Variants in RPS6KA5 observed in about 807,000 individuals in gnomAD.
The protein encoded by RPS6KA5 is ribosomal protein S6 kinase A5.
In RPS6KA5, 27 loss-of-function variants were observed where a neutral mutation model predicts 85.5. The observed-to-expected ratio is 0.32, with a 90% CI of 0.23 to 0.44. The LOEUF is 0.44. Ranked by LOEUF, RPS6KA5 falls within the 20% of genes least tolerant of loss-of-function variation. RPS6KA5 has a pLI of 1.00. For synonymous variants in RPS6KA5, 334 were observed against 348.2 expected (o/e 0.96, Z 0.46); for missense variants, 811 against 980.9 (o/e 0.83, Z 2.31).
chr14:90,894,472 C>G lies in RPS6KA5; in HGVS notation c.1585G>C (p.Val529Leu). Residue 529 changes from valine (V) to leucine (L), a missense_variant, in exon 13 of 17, where the codon GTT becomes CTT. Coordinates refer to ENST00000614987, the MANE Select transcript of RPS6KA5 (RefSeq NM_004755.4). The stretch of plus-strand genomic sequence containing the variant: ...TCATGCATGTGGCTTACAGCTGAAA[C>G]AAGCTTCCTCATGATGTAGCTGGCT... ...TEASYIMRKL[V>L]SAVSHMHDVG... is the part of the protein sequence containing the mutation. The G allele has an allele frequency of 6.2e-7, 1 of 1,614,162 alleles. No individual in the cohort carries two copies. Among genetic ancestry groups the G allele is most frequent in the South Asian group, 1.1e-5 (1 of 91,086 alleles).
intron 3 of RPS6KA5, among the ~76,000 whole-genome samples, chr14:90,970,825 T>C (rs1343537653): frequency 1.3e-5 from 2 of 150,726 alleles, no homozygotes; most frequent in African/African-American, 4.9e-5. Flanking sequence ...TTGGGAAAAG[T>C]AAAAGAAATA....
intron 3 of RPS6KA5, among the ~76,000 whole-genome samples, chr14:90,978,091 T>C (rs530607640): frequency 5.9e-4 from 89 of 152,132 alleles, no homozygotes; most frequent in South Asian, 4.4e-3. Flanking sequence ...GAAAAGAGTG[T>C]GGAATAGAAG....
intron 2 of RPS6KA5, among the ~76,000 whole-genome samples, chr14:90,981,626 C>T (rs1012450368): frequency 1.1e-4 from 16 of 152,232 alleles, no homozygotes; most frequent in Non-Finnish European, 2.2e-4. Context: ...TTAAAGACCA[C>T]GTACTCTGCC....
At chr14:91,060,218 C>T in intron 1 of RPS6KA5, 114 bp downstream of exon 1, 1 of 960,718 alleles carries the variant, frequency 1.0e-6, no homozygotes, top group Non-Finnish European at 1.2e-6. Flanking sequence ...GCCCCAGGCC[C>T]GCCCCTCCGC....
chr14:90,958,172 A>C (rs2038622854), intron 3 of RPS6KA5, among the ~76,000 whole-genome samples: 1 of 152,016 alleles, frequency 6.6e-6, no homozygotes, highest in Non-Finnish European at 1.5e-5. Context: ...ATAATGAATA[A>C]AGAATTAGAT....
At chr14:90,907,875 A>C (rs972003595) in intron 7 of RPS6KA5, among the ~76,000 whole-genome samples, 15 of 152,210 alleles carry the variant, frequency 9.9e-5, no homozygotes, top group Non-Finnish European at 2.2e-4. Context: ...AAAAATAAGC[A>C]TAGCTTTTCC....
At position 90,899,364 on chromosome 14, in the gene RPS6KA5, T is replaced by C. The variant is rs936571241; in HGVS notation, c.1438A>G (p.Asn480Asp). The change falls in exon 12 of 17, where the codon AAT becomes GAT. Residue 480 changes from asparagine (N) to aspartate (D), a missense_variant. Physicochemically the swap from Asn to Asp is conservative, Grantham distance 23. Coordinates refer to ENST00000614987, the MANE Select transcript of RPS6KA5 (RefSeq NM_004755.4). ...TALKLCEGHPNIVKLHEVFHD... is the reference protein window; with the variant it reads ...TALKLCEGHPDIVKLHEVFHD... ...AAAACTTCATGCAACTTCACAATATTGGGGTGTCCTTCACAGAGTTTCAGA... is the reference window on the plus strand; with the variant it reads ...AAAACTTCATGCAACTTCACAATATCGGGGTGTCCTTCACAGAGTTTCAGA... 6.2e-7 allele frequency: 1 copy of C among 1,613,186 alleles called. No individual in the cohort carries two copies. Among genetic ancestry groups the C allele is most frequent in the African/African-American group, 1.3e-5 (1 of 74,928 alleles).
Position 90,906,167 on chromosome 14 carries a change from T to C in RPS6KA5, c.939A>G (p.Lys313=). The C allele has an allele frequency of 1.2e-6, 2 of 1,604,046 alleles. No individual in the cohort carries two copies. The highest frequency in any genetic ancestry group is 1.7e-5 in the Admixed American group (1 of 59,282). Residue 313 remains lysine (K), a synonymous_variant, in exon 8 of 17, where the codon AAA becomes AAG. Transcript: ENST00000614987. The part of the protein sequence containing the change: ...GCGPRDADEI[K]EHLFFQKINW... ...ATTTCACCTGAAAGAAGAGATGTTC[T>C]TTGATTTCATCTGCATCACGTGGAC...
At chr14:90,927,946 T>TTTTC (rs2036768072) in intron 5 of RPS6KA5, among the ~76,000 whole-genome samples, 1 of 150,034 alleles carries the variant, frequency 6.7e-6, no homozygotes, top group Non-Finnish European at 1.5e-5. Context: ...TCTTTTTTTT[T>TTTTC]TTTTTTTGAG....
intron 1 of RPS6KA5, among the ~76,000 whole-genome samples, chr14:91,021,087 C>A (rs886534389): frequency 1.3e-5 from 2 of 152,132 alleles, no homozygotes; most frequent in Non-Finnish European, 2.9e-5. Context: ...ATAAAGCAAT[C>A]CATAGGGACA....
In RPS6KA5 at chr14:91,060,467, A is replaced by G; in HGVS notation, c.-33T>C. On this transcript the variant is annotated 5_prime_UTR_variant, in exon 1 of 17. Coordinates refer to ENST00000614987, the MANE Select transcript of RPS6KA5 (RefSeq NM_004755.4). ...TTTTTTTCCGATCCCGCGGGTCGCT[A>G]CGAGGGGAACCCAGGAGACAGCGGA... 1 of 1,392,328 alleles carries G rather than the reference A, an allele frequency of 7.2e-7. No homozygotes were observed. The highest frequency in any genetic ancestry group is 9.5e-7 in the Non-Finnish European group (1 of 1,058,176). 86.2% of individuals were successfully genotyped at this position (1,392,328 alleles called of 1,614,324 possible).
At chr14:91,051,641 CCGTGCCCA>C (rs2043085635) in intron 1 of RPS6KA5, among the ~76,000 whole-genome samples, 1 of 152,048 alleles carries the variant, frequency 6.6e-6, no homozygotes, top group Admixed American at 6.5e-5. Context: ...GTGCCCGCCA[CCGTGCCCA>C]GCTAAGTTTT....
intron 1 of RPS6KA5, among the ~76,000 whole-genome samples, chr14:91,011,311 C>T (rs2041246948): frequency 6.6e-6 from 1 of 151,946 alleles, no homozygotes; most frequent in Non-Finnish European, 1.5e-5. Context: ...CATGGTGAAA[C>T]CCCGTCTCTA....
rs559249772 is a variant in RPS6KA5, at chr14:90,943,297, C to T, written c.511-112G>A. 19 of 622,992 alleles carry T rather than the reference C, an allele frequency of 3.0e-5. No homozygotes were observed. The East Asian group carries it at 4.9e-4, about 16-fold the overall frequency. 38.6% of individuals were successfully genotyped at this position (622,992 alleles called of 1,614,324 possible). ...TTTTTTTTTTTAAGGCATTTCCCTCCTCAGGATCCTGTAATGGCTCTTGGT... is the reference window on the plus strand; with the variant it reads ...TTTTTTTTTTTAAGGCATTTCCCTCTTCAGGATCCTGTAATGGCTCTTGGT... On this transcript the variant is annotated intron_variant, in intron 4 of 16. Transcript: ENST00000614987.
intron 13 of RPS6KA5, among the ~76,000 whole-genome samples, chr14:90,893,033 A>G (rs1406258830): frequency 6.6e-6 from 1 of 152,216 alleles, no homozygotes; most frequent in East Asian, 1.9e-4. Context: ...TCTGCAAGAG[A>G]GGACAGTTGC....
At chr14:90,949,834 A>C (rs1265594132) in intron 3 of RPS6KA5, among the ~76,000 whole-genome samples, 2 of 152,242 alleles carry the variant, frequency 1.3e-5, no homozygotes, top group Admixed American at 6.5e-5. Flanking sequence ...AGATTGCGAA[A>C]AAGTAACTAT....
chr14:91,010,452 A>C (rs961667847), intron 1 of RPS6KA5, among the ~76,000 whole-genome samples: 5 of 152,208 alleles, frequency 3.3e-5, no homozygotes, highest in African/African-American at 1.2e-4. Context: ...AATATCCCGG[A>C]TCATCAAATT....
intron 2 of RPS6KA5, among the ~76,000 whole-genome samples, chr14:90,991,402 A>G (rs2040299470): frequency 6.6e-6 from 1 of 152,098 alleles, no homozygotes; most frequent in African/African-American, 2.4e-5. Flanking sequence ...TTGTGAGAAA[A>G]TAGAAGTAAA....
chr14:90,958,425 G>A (rs1339125371), intron 3 of RPS6KA5, among the ~76,000 whole-genome samples: 3 of 151,996 alleles, frequency 2.0e-5, no homozygotes, highest in Non-Finnish European at 4.4e-5. Flanking sequence ...TCCTACTTCT[G>A]GACTACATTT....
Sources: gnomAD v4.1 joint callset for allele counts (sites outside exome capture counted in the v4.1 genomes callset) on GRCh38, gnomAD v4.1.1 for gene constraint, MANE v1.5 for transcripts, NCBI Gene and HGNC (gene_info 2026-07-23, HGNC 2026-07-21) for gene names.